Variants in GRM1 observed in about 807,000 individuals in gnomAD.
GRM1 encodes metabotropic glutamate receptor 1.
A neutral mutation model predicts 90.9 loss-of-function variants in GRM1; 33 were observed. That is an observed-to-expected ratio of 0.36 (90% CI 0.28 to 0.49). The LOEUF (loss-of-function observed/expected upper bound fraction) is 0.49, where lower values mean the gene tolerates loss of function less well. GRM1 is among the 20% of genes least tolerant of loss of function. The pLI is 0.99. For missense variants in GRM1, 1,190 were observed against 1,534.3 expected, an observed-to-expected ratio of 0.78 and a Z score of 3.75; for synonymous variants, 700 against 613.2, an observed-to-expected ratio of 1.14 and a Z score of -2.09.
intron 2 of GRM1, among the ~76,000 whole-genome samples, chr6:146,260,178 G>T (rs181849815): frequency 2.0e-3 from 307 of 151,698 alleles, no homozygotes; most frequent in African/African-American, 7.1e-3. Flanking sequence ...CCCCTCAACA[G>T]GTTCCAGTGT....
chr6:146,355,552 C>G (rs113776285), intron 4 of GRM1, among the ~76,000 whole-genome samples: 43 of 152,214 alleles, frequency 2.8e-4, no homozygotes, highest in African/African-American at 7.2e-4. Context: ...GTAGAAATTG[C>G]AAGAATCTGG....
At chr6:146,062,296 G>A (rs975297975) in intron 1 of GRM1, among the ~76,000 whole-genome samples, 3 of 151,484 alleles carry the variant, frequency 2.0e-5, no homozygotes, top group African/African-American at 7.3e-5. Context: ...TGAACAACGA[G>A]AACACATGAA....
At chr6:146,312,415 T>C (rs1437264409) in intron 3 of GRM1, among the ~76,000 whole-genome samples, 3 of 129,880 alleles carry the variant, frequency 2.3e-5, no homozygotes, top group Non-Finnish European at 3.3e-5. Flanking sequence ...TTGAGACAAA[T>C]TTTTTGATAA....
At chr6:146,358,188 C>T (rs961868558) in intron 5 of GRM1, among the ~76,000 whole-genome samples, 1 of 152,082 alleles carries the variant, frequency 6.6e-6, no homozygotes, top group Non-Finnish European at 1.5e-5. Context: ...TTTTTTTCTA[C>T]AAAAGACAGC....
intron 2 of GRM1, among the ~76,000 whole-genome samples, chr6:146,164,818 C>CAGGAT (rs1471110482): frequency 6.6e-6 from 1 of 152,038 alleles, no homozygotes; most frequent in Non-Finnish European, 1.5e-5. Flanking sequence ...TCTTGGAAAG[C>CAGGAT]CTTTACTGTA....
intron 1 of GRM1, among the ~76,000 whole-genome samples, chr6:146,147,419 G>A (rs1404715742): frequency 6.6e-6 from 1 of 152,150 alleles, no homozygotes; most frequent in Non-Finnish European, 1.5e-5. Context: ...TGGTAAAGAT[G>A]AAAGATGATA....
intron 7 of GRM1, among the ~76,000 whole-genome samples, chr6:146,425,855 G>A (rs75102150): frequency 0.014 from 2,088 of 152,248 alleles, 53 homozygotes; most frequent in African/African-American, 0.048. Context: ...TGGAAAGGCC[G>A]ACTACCCCTG....
chr6:146,419,036 T>C (rs1370375494), intron 7 of GRM1, among the ~76,000 whole-genome samples: 1 of 152,048 alleles, frequency 6.6e-6, no homozygotes, highest in Non-Finnish European at 1.5e-5. Flanking sequence ...TAATAACATA[T>C]AAGGAGTAAA....
At chr6:146,224,931 G>A (rs1780188326) in intron 2 of GRM1, among the ~76,000 whole-genome samples, 2 of 151,998 alleles carry the variant, frequency 1.3e-5, no homozygotes, top group Non-Finnish European at 2.9e-5. Context: ...TTTTCTCTTG[G>A]GGCACTTTCA....
intron 2 of GRM1, among the ~76,000 whole-genome samples, chr6:146,203,543 A>C (rs1779393687): frequency 6.6e-6 from 1 of 152,194 alleles, no homozygotes; most frequent in Non-Finnish European, 1.5e-5. Context: ...GTAGACTCTG[A>C]CTAGATAGTC....
chr6:146,414,313 T>C (rs1220555855), intron 7 of GRM1, among the ~76,000 whole-genome samples: 1 of 151,782 alleles, frequency 6.6e-6, no homozygotes, highest in Non-Finnish European at 1.5e-5. Flanking sequence ...ATTGGCCATC[T>C]ATATACCATC....
At position 146,080,612 on chromosome 6, in the gene GRM1, C is replaced by T. The variant is rs1185817507; in HGVS notation, c.700+50395C>T. On this transcript the variant is annotated intron_variant, in intron 1 of 7. Transcript: ENST00000282753. ...AGTTCCCTGGTCAGAGTCTGTGGTC[C>T]TCAGGTAATTCAGGGGAATCTGAGA... 2.6e-5 allele frequency among the ~76,000 whole-genome samples: 4 copies of T among 152,166 alleles called. No homozygotes were observed. The East Asian group carries it at 5.8e-4, about 22-fold the overall frequency.
chr6:146,261,341 A>G (rs1781688708), intron 2 of GRM1, among the ~76,000 whole-genome samples: 1 of 152,118 alleles, frequency 6.6e-6, no homozygotes, highest in Admixed American at 6.5e-5. Context: ...AGGCTGAAGT[A>G]CCCAAATGCC....
intron 3 of GRM1, among the ~76,000 whole-genome samples, chr6:146,309,588 G>A (rs1783706976): frequency 6.6e-6 from 1 of 151,650 alleles, no homozygotes; most frequent in Non-Finnish European, 1.5e-5. Context: ...GTTGCTTCAT[G>A]GTCTTTATAA....
chr6:146,302,378 C>CTT (rs1222086596), intron 2 of GRM1, among the ~76,000 whole-genome samples: 1 of 141,330 alleles, frequency 7.1e-6, no homozygotes, highest in Non-Finnish European at 1.6e-5. Context: ...ATACTGGTCA[C>CTT]TTTTTTTTTT....
At chr6:146,253,341 T>C (rs1271798914) in intron 2 of GRM1, among the ~76,000 whole-genome samples, 1 of 152,130 alleles carries the variant, frequency 6.6e-6, no homozygotes. Context: ...AGAATTAACA[T>C]TATAAATGAT....
At chr6:146,250,292 T>C (rs1400357131) in intron 2 of GRM1, among the ~76,000 whole-genome samples, 1 of 152,192 alleles carries the variant, frequency 6.6e-6, no homozygotes. Context: ...TGTTTGGCTC[T>C]GTGCTGCCAC....
chr6:146,381,630 G>T (rs7753778), intron 5 of GRM1, among the ~76,000 whole-genome samples: 7,123 of 152,192 alleles, frequency 0.047, 225 homozygotes, highest in African/African-American at 0.088. Flanking sequence ...ATTTGTTGGT[G>T]TCCTTGGTGG....
At chr6:146,119,527 C>G (rs1775899336) in intron 1 of GRM1, among the ~76,000 whole-genome samples, 1 of 152,146 alleles carries the variant, frequency 6.6e-6, no homozygotes, top group African/African-American at 2.4e-5. Flanking sequence ...TGCCTATGTC[C>G]TGAATGGTAT....
Sources: gnomAD v4.1 joint callset for allele counts (sites outside exome capture counted in the v4.1 genomes callset) on GRCh38, gnomAD v4.1.1 for gene constraint, MANE v1.5 for transcripts, NCBI Gene and HGNC (gene_info 2026-07-23, HGNC 2026-07-21) for gene names.